RNF11: variants seen among roughly 807,000 people sequenced by gnomAD.
RNF11 encodes the protein ring finger protein 11.
In RNF11, 4 loss-of-function variants were observed where a neutral mutation model predicts 15.8. The ratio of observed to expected loss-of-function variants is 0.25; its 90% CI spans 0.12 to 0.58. RNF11 has a LOEUF of 0.58. RNF11 is among the 20% of genes least tolerant of loss of function. The probability of loss-of-function intolerance (pLI) is 0.91; values close to 1 mark genes in which losing one functional copy is unlikely to be tolerated. For synonymous variants in RNF11, 68 were observed against 72.3 expected (o/e 0.94, Z 0.30); for missense variants, 139 against 194.4 (o/e 0.71, Z 1.70).
At chr1:51,239,559 G>T (rs532123674) in intron 1 of RNF11, among the ~76,000 whole-genome samples, 3 of 152,092 alleles carry the variant, frequency 2.0e-5, no homozygotes, top group Admixed American at 1.3e-4. Context: ...GCAATCCAAG[G>T]TTATTTATTC....
At chr1:51,259,381 G>A (rs1646920338) in intron 1 of RNF11, among the ~76,000 whole-genome samples, 1 of 152,164 alleles carries the variant, frequency 6.6e-6, no homozygotes, top group African/African-American at 2.4e-5. Flanking sequence ...GGAGGTTATT[G>A]CAACTTTTTC....
intron 1 of RNF11, among the ~76,000 whole-genome samples, chr1:51,262,487 A>G (rs180989164): frequency 7.2e-5 from 11 of 152,340 alleles, no homozygotes; most frequent in Admixed American, 6.5e-4. Context: ...TTGTTCTTCA[A>G]ATAACGTAAA....
intron 1 of RNF11, chr1:51,251,333 T>A: frequency 6.6e-7 from 1 of 1,514,022 alleles, no homozygotes; most frequent in Admixed American, 1.8e-5. Flanking sequence ...CTCCGCGAGC[T>A]CCGCGGCCTC....
intron 1 of RNF11, among the ~76,000 whole-genome samples, chr1:51,262,292 G>C (rs1355933527): frequency 3.9e-5 from 6 of 152,164 alleles, no homozygotes; most frequent in African/African-American, 1.2e-4. Context: ...AAGTGAAGTT[G>C]GGCCCCTTTC....
At chr1:51,271,087 AAG>A in intron 2 of RNF11, 62 bp from the exon 3 acceptor site, 2 of 1,361,578 alleles carry the variant, frequency 1.5e-6, no homozygotes, top group Non-Finnish European at 2.1e-6. Flanking sequence ...ATGGGATTTA[AAG>A]AGTTTTCTGA....
intron 1 of RNF11, among the ~76,000 whole-genome samples, chr1:51,241,956 A>G (rs1260565934): frequency 6.6e-6 from 1 of 152,316 alleles, no homozygotes; most frequent in African/African-American, 2.4e-5. Flanking sequence ...TGTAATATTC[A>G]TTGAACAACA....
Position 51,260,009 on chromosome 1 carries a change from T to C in RNF11, c.124-9947T>C, listed in dbSNP as rs141942245. On this transcript the variant is annotated intron_variant, in intron 1 of 2. Coordinates refer to ENST00000242719, the MANE Select transcript of RNF11 (RefSeq NM_014372.5). ...ACTTTGTGGATTGTTTAGATTTTTA[T>C]GATGTACCCCTGTTTGCAAGGTGGT... Among the ~76,000 whole-genome samples, 15 of 152,358 alleles carry C rather than the reference T, an allele frequency of 9.8e-5. No homozygotes were observed. In the East Asian group the frequency reaches 2.9e-3, roughly 29 times the overall value.
intron 1 of RNF11, among the ~76,000 whole-genome samples, chr1:51,257,310 G>T (rs374373096): frequency 1.3e-5 from 2 of 152,168 alleles, no homozygotes; most frequent in Non-Finnish European, 2.9e-5. Context: ...ATTTAAAATG[G>T]TTTATTTTCC....
At chr1:51,242,066 C>T (rs1472184042) in intron 1 of RNF11, among the ~76,000 whole-genome samples, 1 of 152,166 alleles carries the variant, frequency 6.6e-6, no homozygotes, top group Non-Finnish European at 1.5e-5. Flanking sequence ...GTCTTCTTCC[C>T]CGACCTATAC....
At chr1:51,257,918 A>G (rs1177406280) in intron 1 of RNF11, among the ~76,000 whole-genome samples, 12 of 137,620 alleles carry the variant, frequency 8.7e-5, no homozygotes, top group Non-Finnish European at 1.7e-4. Flanking sequence ...CAGTGGTGCA[A>G]TCTTGGCTCA....
At chr1:51,258,510 A>AGGTT (rs766224155) in intron 1 of RNF11, among the ~76,000 whole-genome samples, 3 of 152,236 alleles carry the variant, frequency 2.0e-5, no homozygotes, top group Non-Finnish European at 2.9e-5. Context: ...GGAATTAAGT[A>AGGTT]GGTTATACAG....
At position 51,236,634 on chromosome 1, in the gene RNF11, C is replaced by T; in HGVS notation, c.-123C>T. 1 of 1,369,202 alleles carries T rather than the reference C, an allele frequency of 7.3e-7. No individual in the cohort carries two copies. Among genetic ancestry groups the T allele is most frequent in the Non-Finnish European group, 1.0e-6 (1 of 990,306 alleles). The allele number at this position is 1,369,202 out of a possible 1,614,324, so 84.8% of individuals were successfully genotyped here. A position where few individuals can be genotyped will look rare whatever the true frequency, so the allele number is the denominator to read the frequency against. On this transcript the variant is annotated 5_prime_UTR_variant, in exon 1 of 3. Transcript: ENST00000242719. ...GCGGCACCGTGGGGCGGTGGAGTCG[C>T]CTCCGCCTGATCCCCGGCCTGTCGC...
At position 51,259,531 on chromosome 1, in the gene RNF11, T is replaced by G. The variant is rs576530330; in HGVS notation, c.124-10425T>G. Among the ~76,000 whole-genome samples, 17 of 152,360 alleles carry G rather than the reference T, an allele frequency of 1.1e-4. No homozygotes were observed. The South Asian group carries it at 3.5e-3, about 32-fold the overall frequency. ...TGCAGCTTCTCATCCATCCTGATTT[T>G]CCTGCAAAAATTCTCATGTTAAATG... On this transcript the variant is annotated intron_variant, in intron 1 of 2. Transcript: ENST00000242719.
intron 1 of RNF11, among the ~76,000 whole-genome samples, chr1:51,247,461 T>G (rs1646857699): frequency 1.3e-5 from 2 of 151,904 alleles, no homozygotes; most frequent in East Asian, 1.9e-4. Context: ...TTTGTTTTTT[T>G]TTTTTGTAAA....
rs1646976212 is a variant in RNF11 at position 51,271,196 on chromosome 1, AT to A, written c.342del (p.Leu115CysfsTer12). On this transcript the variant is annotated frameshift_variant, in exon 3 of 3. Coordinates refer to ENST00000242719, the MANE Select transcript of RNF11 (RefSeq NM_014372.5). LOFTEE classifies it high-confidence loss of function. ...MDFVYGDPIR[F>X]LPCMHIYHLD... is the part of the protein sequence containing the mutation. ...ACTTTGTTTATGGGGACCCAATTCG[AT>A]TTCTGCCGTGCATGCACATCTATCA... 6.2e-7 allele frequency: 1 copy of A among 1,613,840 alleles called. No individual in the cohort carries two copies. Among genetic ancestry groups the A allele is most frequent in the African/African-American group, 1.3e-5 (1 of 74,870 alleles).
In RNF11 at chr1:51,270,039, G is replaced by T; in HGVS notation, c.207G>T (p.Arg69Ser). Residue 69 changes from arginine to serine, a missense_variant, in exon 2 of 3, where the codon AGG becomes AGT. Coordinates refer to ENST00000242719, the MANE Select transcript of RNF11 (RefSeq NM_014372.5). The stretch of plus-strand genomic sequence containing the variant: ...AGCTGACTGAAGAGGAACAAATTAG[G>T]ATAGCTCAAAGAATAGGTCTTATAC... ...ATQLTEEEQI[R>S]IAQRIGLIQH... 6.2e-7 allele frequency: 1 copy of T among 1,613,716 alleles called. No individual in the cohort carries two copies. Among genetic ancestry groups the T allele is most frequent in the Non-Finnish European group, 8.5e-7 (1 of 1,179,778 alleles).
At chr1:51,255,741 CATTGA>C (rs1488876165) in intron 1 of RNF11, among the ~76,000 whole-genome samples, 1 of 152,156 alleles carries the variant, frequency 6.6e-6, no homozygotes, top group Non-Finnish European at 1.5e-5. Context: ...TTTCTTTTCT[CATTGA>C]ATTATCTTGG....
At chr1:51,269,815 G>T in intron 1 of RNF11, 141 bp from the exon 2 acceptor site, 1 of 670,264 alleles carries the variant, frequency 1.5e-6, no homozygotes, top group East Asian at 2.7e-5. Flanking sequence ...AAGGCAGGGT[G>T]AAACACAGTC....
chr1:51,237,952 A>G (rs1052352648), intron 1 of RNF11, among the ~76,000 whole-genome samples: 4 of 152,122 alleles, frequency 2.6e-5, no homozygotes, highest in African/African-American at 9.7e-5. Flanking sequence ...TCATCACACC[A>G]GAAAAACCTG....
Sources: allele counts gnomAD v4.1 joint callset (sites outside exome capture counted in the v4.1 genomes callset), GRCh38; gene constraint gnomAD v4.1.1; transcripts MANE v1.5; gene names NCBI Gene and HGNC (gene_info 2026-07-23, HGNC 2026-07-21).